The following SCD5 variants were observed in gnomAD, a reference collection of about 807,000 sequenced individuals.
SCD5 encodes the protein stearoyl-CoA desaturase 5.
SCD5 carries 20 observed loss-of-function variants against 30.4 expected under a neutral mutation model. The observed-to-expected ratio is 0.66, with a 90% CI of 0.46 to 0.96. The LOEUF is 0.96. SCD5 is among the 40% of genes least tolerant of loss of function. SCD5 has a pLI of 0.00. For synonymous variants in SCD5, 173 were observed against 176.4 expected (o/e 0.98, Z 0.16); for missense variants, 381 against 443.3 (o/e 0.86, Z 1.26).
At chr4:82,721,384 A>C (rs529992130) in intron 1 of SCD5, among the ~76,000 whole-genome samples, 1 of 152,302 alleles carries the variant, frequency 6.6e-6, no homozygotes, top group African/African-American at 2.4e-5. Flanking sequence ...GTTTCACAGA[A>C]ACCTAAAGAC....
intron 2 of SCD5, among the ~76,000 whole-genome samples, chr4:82,696,786 T>C (rs776549226): frequency 3.3e-5 from 5 of 152,184 alleles, no homozygotes; most frequent in African/African-American, 9.7e-5. Flanking sequence ...ATAAAGAATA[T>C]GCAATGACAA....
chr4:82,776,315 A>G (rs1721743497), intron 1 of SCD5, among the ~76,000 whole-genome samples: 1 of 152,316 alleles, frequency 6.6e-6, no homozygotes, highest in African/African-American at 2.4e-5. Context: ...CTCTTTTGCA[A>G]TCATATCCTT....
At chr4:82,702,007 T>C (rs1041617916) in intron 2 of SCD5, among the ~76,000 whole-genome samples, 1 of 152,056 alleles carries the variant, frequency 6.6e-6, no homozygotes, top group Non-Finnish European at 1.5e-5. Flanking sequence ...TTCACCCTAC[T>C]GGCAAGGAAG....
chr4:82,652,254 C>T (rs1164346580), intron 3 of SCD5, among the ~76,000 whole-genome samples: 1 of 152,140 alleles, frequency 6.6e-6, no homozygotes, highest in Non-Finnish European at 1.5e-5. Flanking sequence ...ATAACAGTTG[C>T]AATTTTTCCC....
chr4:82,664,441 AAGG>A (rs760613895), intron 3 of SCD5, among the ~76,000 whole-genome samples: 5 of 95,104 alleles, frequency 5.3e-5, no homozygotes, highest in East Asian at 3.1e-4. Flanking sequence ...ACAAAAGTGC[AAGG>A]GGGGGGGAAC....
At chr4:82,734,321 G>C (rs1720702298) in intron 1 of SCD5, among the ~76,000 whole-genome samples, 2 of 152,172 alleles carry the variant, frequency 1.3e-5, no homozygotes, top group South Asian at 4.1e-4. Flanking sequence ...CCCAGCATCA[G>C]ATCCAAGTAG....
At chr4:82,723,140 A>C (rs1720404697) in intron 1 of SCD5, among the ~76,000 whole-genome samples, 1 of 151,724 alleles carries the variant, frequency 6.6e-6, no homozygotes, top group East Asian at 1.9e-4. Flanking sequence ...GAACTACAGG[A>C]ACATTACATA....
intron 1 of SCD5, among the ~76,000 whole-genome samples, chr4:82,766,006 T>C (rs1041894714): frequency 2.0e-5 from 3 of 152,254 alleles, no homozygotes; most frequent in African/African-American, 7.2e-5. Flanking sequence ...TGTTCTTTTC[T>C]CTCTGGCTAA....
intron 3 of SCD5, among the ~76,000 whole-genome samples, chr4:82,643,648 A>C (rs530437602): frequency 1.3e-5 from 2 of 152,362 alleles, no homozygotes; most frequent in South Asian, 4.1e-4. Flanking sequence ...TGATGGTTAT[A>C]CAGTATCATT....
At chr4:82,668,719 C>G (rs1728243304) in intron 3 of SCD5, among the ~76,000 whole-genome samples, 1 of 152,176 alleles carries the variant, frequency 6.6e-6, no homozygotes, top group African/African-American at 2.4e-5. Flanking sequence ...GGTTTCCCTG[C>G]TGCAGGACCA....
intron 3 of SCD5, among the ~76,000 whole-genome samples, chr4:82,648,973 C>T (rs1038625267): frequency 6.6e-6 from 1 of 152,076 alleles, no homozygotes; most frequent in Non-Finnish European, 1.5e-5. Flanking sequence ...AAATGTATAT[C>T]ATTCTGGCAT....
At chr4:82,717,144 T>C (rs906926831) in intron 1 of SCD5, among the ~76,000 whole-genome samples, 2 of 151,786 alleles carry the variant, frequency 1.3e-5, no homozygotes, top group Non-Finnish European at 2.9e-5. Flanking sequence ...GTATTTAGCA[T>C]ATAACAATAT....
chr4:82,657,268 T>G (rs2148815962), intron 3 of SCD5, among the ~76,000 whole-genome samples: 1 of 152,208 alleles, frequency 6.6e-6, no homozygotes, highest in East Asian at 1.9e-4. Context: ...CTTGAGTTAA[T>G]TTTTATACAA....
At chr4:82,786,849 A>G (rs1471156768) in intron 1 of SCD5, among the ~76,000 whole-genome samples, 1 of 151,650 alleles carries the variant, frequency 6.6e-6, no homozygotes, top group African/African-American at 2.4e-5. Context: ...AGCCACCAGG[A>G]GCAACGTAGA....
chr4:82,705,533 C>T, intron 1 of SCD5, 120 bp from the exon 2 acceptor site: 1 of 1,317,598 alleles, frequency 7.6e-7, no homozygotes, highest in Non-Finnish European at 1.0e-6. Context: ...AAAGCTGCAA[C>T]ATGAAGAATC....
chr4:82,662,669 G>T (rs1030877283), intron 3 of SCD5, among the ~76,000 whole-genome samples: 25 of 151,940 alleles, frequency 1.6e-4, no homozygotes, highest in Admixed American at 1.6e-3. Context: ...AGACCAGCCT[G>T]GCCAACATGG....
intron 1 of SCD5, among the ~76,000 whole-genome samples, chr4:82,730,544 C>T (rs1223247340): frequency 6.7e-6 from 1 of 150,014 alleles, no homozygotes; most frequent in Admixed American, 6.7e-5. Context: ...GATCCGCCCA[C>T]CTTGGCCTCC....
intron 3 of SCD5, among the ~76,000 whole-genome samples, chr4:82,667,289 C>T (rs1402987527): frequency 6.9e-6 from 1 of 144,658 alleles, no homozygotes; most frequent in Non-Finnish European, 1.5e-5. Context: ...CACACACACG[C>T]ACGCACGCAC....
intron 1 of SCD5, among the ~76,000 whole-genome samples, chr4:82,763,099 T>C (rs977796472): frequency 2.6e-5 from 4 of 152,234 alleles, no homozygotes; most frequent in African/African-American, 9.6e-5. Flanking sequence ...ACAGCTGTGA[T>C]AGACAATGTC....
Sources: allele counts gnomAD v4.1 joint callset (sites outside exome capture counted in the v4.1 genomes callset), GRCh38; gene constraint gnomAD v4.1.1; transcripts MANE v1.5; gene names NCBI Gene and HGNC (gene_info 2026-07-23, HGNC 2026-07-21).